KCNG4: variants seen among roughly 807,000 people sequenced by gnomAD.
KCNG4 encodes potassium voltage-gated channel modifier subfamily G member 4.
In KCNG4, 30 loss-of-function variants were observed where a neutral mutation model predicts 28.2. The ratio of observed to expected loss-of-function variants is 1.06; its 90% CI spans 0.80 to 1.44. KCNG4 has a LOEUF of 1.44. Ranked by LOEUF, KCNG4 falls within the 40% of genes most tolerant of loss-of-function variation. KCNG4 has a pLI of 0.00. For synonymous variants in KCNG4, 375 were observed against 315.5 expected, an observed-to-expected ratio of 1.19 and a Z score of -2.00; for missense variants, 879 against 712.3, an observed-to-expected ratio of 1.23 and a Z score of -2.66.
rs1222318382 is a variant in KCNG4 at position 84,239,667 on chromosome 16, C to T, written c.-41+3G>A. 1.3e-5 allele frequency: 2 copies of T among 151,848 alleles called. No homozygotes were observed. Among genetic ancestry groups the T allele is most frequent in the African/African-American group, 4.8e-5 (2 of 41,336 alleles). 9.4% of individuals were successfully genotyped at this position (151,848 alleles called of 1,614,324 possible). A position where few individuals can be genotyped will look rare whatever the true frequency, so the allele number is the denominator to read the frequency against. On this transcript the variant is annotated splice_donor_region_variant and intron_variant, in intron 1 of 2. Coordinates refer to ENST00000308251, the MANE Select transcript of KCNG4 (RefSeq NM_172347.3). ...GTAACTCTTCCCCTCCAGTTTAACT[C>T]ACCTTCTTGTCTCAGGGAGCCAGTT... is the stretch of plus-strand genomic sequence containing the variant.
chr16:84,237,204 G>A lies in KCNG4; in HGVS notation c.282C>T (p.Tyr94=), dbSNP rs573566420. The A allele has an allele frequency of 5.0e-6, 8 of 1,614,026 alleles. No individual in the cohort carries two copies. In the African/African-American group the frequency reaches 5.3e-5, roughly 11 times the overall value. ...CATCGCAGAGCTGCACGATCTCCTC[G>A]TAGCTCCGACAGAGCCTGAGTTTGC... ...RLSKLRLCRS[Y]EEIVQLCDDY... Residue 94 remains tyrosine, a synonymous_variant, in exon 2 of 3, where the codon TAC becomes TAT. Coordinates refer to ENST00000308251, the MANE Select transcript of KCNG4 (RefSeq NM_172347.3).
intron 2 of KCNG4, among the ~76,000 whole-genome samples, chr16:84,229,781 G>A (rs1301189600): frequency 1.3e-5 from 2 of 152,226 alleles, no homozygotes; most frequent in Admixed American, 1.3e-4. Flanking sequence ...GAGGCCCCAG[G>A]CCAGGAAACA....
chr16:84,221,919 G>T lies in KCNG4; in HGVS notation c.*298C>A, dbSNP rs1384967055. 3.3e-5 allele frequency: 13 copies of T among 398,266 alleles called. No individual in the cohort carries two copies. Among genetic ancestry groups the T allele is most frequent in the Non-Finnish European group, 5.4e-5 (12 of 220,578 alleles). 24.7% of individuals were successfully genotyped at this position (398,266 alleles called of 1,614,324 possible). On this transcript the variant is annotated 3_prime_UTR_variant, in exon 3 of 3. Coordinates refer to ENST00000308251, the MANE Select transcript of KCNG4 (RefSeq NM_172347.3). Reference sequence around the variant, plus strand: ...CCCAGCCTGGGATGTTAAAGCCTCTGCTGGGAAGGAAAAGAGAATGAAAGG... The same window carrying T: ...CCCAGCCTGGGATGTTAAAGCCTCTTCTGGGAAGGAAAAGAGAATGAAAGG...
chr16:84,230,438 G>T (rs907839238), intron 2 of KCNG4, among the ~76,000 whole-genome samples: 1 of 148,070 alleles, frequency 6.8e-6, no homozygotes, highest in Non-Finnish European at 1.5e-5. Context: ...CAGGCATGGT[G>T]GTGGGCGCCT....
intron 2 of KCNG4, among the ~76,000 whole-genome samples, chr16:84,232,544 G>A (rs964535475): frequency 3.9e-5 from 6 of 152,286 alleles, no homozygotes; most frequent in African/African-American, 1.2e-4. Flanking sequence ...TGTACTAAAT[G>A]CCACTAAATT....
chr16:84,230,018 G>C (rs1354048642), intron 2 of KCNG4, among the ~76,000 whole-genome samples: 1 of 152,034 alleles, frequency 6.6e-6, no homozygotes, highest in Non-Finnish European at 1.5e-5. Flanking sequence ...TCTTACTAAA[G>C]GGTGAGGAGG....
chr16:84,222,310 G>C lies in KCNG4; in HGVS notation c.1467C>G (p.Leu489=), dbSNP rs745872547. 6.2e-7 allele frequency: 1 copy of C among 1,614,210 alleles called. No homozygotes were observed. The highest frequency in any genetic ancestry group is 2.2e-5 in the East Asian group (1 of 44,876). The part of the protein sequence containing the change: ...QNTGPASECE[L]LDPHVASEHE... ...GTTCACTGGCCACATGGGGGTCCAG[G>C]AGTTCACATTCACTGGCTGGACCGG... is the stretch of plus-strand genomic sequence containing the variant. The change falls in exon 3 of 3, where the codon CTC becomes CTG. Residue 489 remains leucine, a synonymous_variant. Coordinates refer to ENST00000308251, the MANE Select transcript of KCNG4 (RefSeq NM_172347.3).
intron 2 of KCNG4, among the ~76,000 whole-genome samples, chr16:84,227,632 T>A (rs1387731117): frequency 6.6e-6 from 1 of 151,956 alleles, no homozygotes; most frequent in Non-Finnish European, 1.5e-5. Flanking sequence ...AAGTCCATGG[T>A]AGTATTATTC....
At chr16:84,225,660 C>G (rs12930710) in intron 2 of KCNG4, among the ~76,000 whole-genome samples, 1 of 152,222 alleles carries the variant, frequency 6.6e-6, no homozygotes, top group Non-Finnish European at 1.5e-5. Flanking sequence ...ACTGATGACC[C>G]GATAGCTCAG....
chr16:84,230,471 C>G (rs1904802608), intron 2 of KCNG4, among the ~76,000 whole-genome samples: 1 of 148,444 alleles, frequency 6.7e-6, no homozygotes, highest in African/African-American at 2.5e-5. Context: ...ACTCAGGAGG[C>G]TGAGGCAGGA....
chr16:84,238,048 T>C (rs1905017610), intron 1 of KCNG4, among the ~76,000 whole-genome samples: 1 of 152,184 alleles, frequency 6.6e-6, no homozygotes, highest in South Asian at 2.1e-4. Flanking sequence ...TCCTTTGCTT[T>C]ATCTGTATGA....
At chr16:84,238,495 G>A (rs936502511) in intron 1 of KCNG4, among the ~76,000 whole-genome samples, 1 of 152,202 alleles carries the variant, frequency 6.6e-6, no homozygotes, top group Non-Finnish European at 1.5e-5. Flanking sequence ...CTCCATGTTC[G>A]TTGCGTGCTT....
At chr16:84,233,070 T>C (rs2151339122) in intron 2 of KCNG4, among the ~76,000 whole-genome samples, 1 of 151,742 alleles carries the variant, frequency 6.6e-6, no homozygotes, top group African/African-American at 2.4e-5. Context: ...TACTACTGAA[T>C]GAATGAATGA....
chr16:84,233,343 G>A (rs957522165), intron 2 of KCNG4, among the ~76,000 whole-genome samples: 1 of 152,184 alleles, frequency 6.6e-6, no homozygotes, highest in Admixed American at 6.5e-5. Flanking sequence ...TACAAAGTCT[G>A]GCTGCCTTAG....
chr16:84,227,038 G>C (rs67712363), intron 2 of KCNG4, among the ~76,000 whole-genome samples: 15,336 of 151,980 alleles, frequency 0.1, 955 homozygotes, highest in African/African-American at 0.17. Context: ...ATAATCAAAA[G>C]CACAATAAGA....
At position 84,237,164 on chromosome 16, in the gene KCNG4, T is replaced by A; in HGVS notation, c.322A>T (p.Ser108Cys). Residue 108 changes from serine (S) to cysteine (C), a missense_variant, in exon 2 of 3, where the codon AGC becomes TGC. Transcript: ENST00000308251. Reference sequence around the variant, plus strand: ...CTCCTGTCGAAGAAGAACTCCTGGCTGTCCTCGTCGTAATCATCGCAGAGC... The same window carrying A: ...CTCCTGTCGAAGAAGAACTCCTGGCAGTCCTCGTCGTAATCATCGCAGAGC... ...VQLCDDYDEDSQEFFFDRSPS... is the reference protein window; with the variant it reads ...VQLCDDYDEDCQEFFFDRSPS... The A allele has an allele frequency of 1.9e-6, 3 of 1,614,158 alleles. No individual in the cohort carries two copies. The highest frequency in any genetic ancestry group is 2.5e-6 in the Non-Finnish European group (3 of 1,180,036).
rs1345836805 is a variant in KCNG4 at position 84,226,817 on chromosome 16, T to C, written c.757-3797A>G. On this transcript the variant is annotated intron_variant, in intron 2 of 2. Transcript: ENST00000308251. This position sits in a 1 kb window ranked among gnomAD's most constrained non-coding sequence, Gnocchi z 4.1. ...TGGCTTGGACCTGGTAGGCGGAGGT[T>C]GCAGTGAGCCGAGATTGCACCACTG... 6.6e-6 allele frequency among the ~76,000 whole-genome samples: 1 copy of C among 151,824 alleles called. No individual in the cohort carries two copies. Among genetic ancestry groups the C allele is most frequent in the Non-Finnish European group, 1.5e-5 (1 of 67,936 alleles).
intron 2 of KCNG4, among the ~76,000 whole-genome samples, chr16:84,234,802 A>T (rs1281947769): frequency 2.0e-5 from 3 of 152,196 alleles, no homozygotes; most frequent in African/African-American, 7.2e-5. Flanking sequence ...AGGAATACAA[A>T]GCACGTGTGT....
intron 2 of KCNG4, among the ~76,000 whole-genome samples, chr16:84,223,274 A>G (rs1210932038): frequency 2.0e-5 from 3 of 151,932 alleles, no homozygotes; most frequent in Non-Finnish European, 4.4e-5. Context: ...TGGAAACAGA[A>G]GTGATGCAAA....
Sources: allele counts gnomAD v4.1 joint callset (sites outside exome capture counted in the v4.1 genomes callset), GRCh38; gene constraint gnomAD v4.1.1; non-coding constraint Gnocchi (gnomAD v3.1); transcripts MANE v1.5; gene names NCBI Gene and HGNC (gene_info 2026-07-23, HGNC 2026-07-21).